Variants in LIFR observed in about 807,000 individuals in gnomAD.
LIFR encodes leukemia inhibitory factor receptor.
LIFR carries 84 observed loss-of-function variants against 122.2 expected under a neutral mutation model. The observed-to-expected ratio is 0.69, with a 90% confidence interval of 0.58 to 0.82. The LOEUF (loss-of-function observed/expected upper bound fraction) is 0.82. Among genes scored for constraint, LIFR ranks in the 40% least tolerant of loss-of-function variants. The pLI is 0.00. For synonymous variants in LIFR, 422 were observed against 434.7 expected (o/e 0.97, Z 0.36); for missense variants, 1,294 against 1,311.6 (o/e 0.99, Z 0.21).
In LIFR at chr5:38,478,031, G is replaced by A; in HGVS notation, c.*3564C>T. ...ATTTTAAAAATATTGACACGTTAAG[G>A]AGTATTTTACTTTCAAAATACCATA... On this transcript the variant is annotated 3_prime_UTR_variant, in exon 20 of 20. Coordinates refer to ENST00000453190, the MANE Select transcript of LIFR (RefSeq NM_001127671.2). 1 of 209,900 alleles carries A rather than the reference G, an allele frequency of 4.8e-6. No individual in the cohort carries two copies. The allele number at this position is 209,900 out of a possible 1,614,324, so 13.0% of individuals were successfully genotyped here.
intron 6 of LIFR, among the ~76,000 whole-genome samples, 194 bp downstream of exon 6, chr5:38,511,596 T>G (rs1236544498): frequency 9.9e-5 from 15 of 152,170 alleles, no homozygotes; most frequent in Non-Finnish European, 1.9e-4. Flanking sequence ...GAAAGTTCTT[T>G]CAAAATACAG....
chr5:38,506,316 A>G (rs915321877), intron 8 of LIFR, among the ~76,000 whole-genome samples, 187 bp downstream of exon 8: 4 of 152,152 alleles, frequency 2.6e-5, no homozygotes, highest in African/African-American at 9.7e-5. Flanking sequence ...AGCTTCTTAA[A>G]AGAGGAGACA....
intron 2 of LIFR, among the ~76,000 whole-genome samples, 154 bp from the exon 3 acceptor site, chr5:38,528,994 T>C (rs770507175): frequency 3.3e-5 from 5 of 151,820 alleles, no homozygotes; most frequent in South Asian, 4.2e-4. Flanking sequence ...TTTTTTTTTT[T>C]CAAAGAGATG....
At chr5:38,576,348 T>C (rs1486524304) in intron 1 of LIFR, among the ~76,000 whole-genome samples, 1 of 152,194 alleles carries the variant, frequency 6.6e-6, no homozygotes, top group African/African-American at 2.4e-5. Flanking sequence ...TTCCTTTTGC[T>C]TAAAACCTGA....
At chr5:38,513,958 T>C (rs1376281529) in intron 5 of LIFR, among the ~76,000 whole-genome samples, 1 of 151,604 alleles carries the variant, frequency 6.6e-6, no homozygotes, top group African/African-American at 2.4e-5. Context: ...AGAAAAAAAC[T>C]TTAAATCATT....
At chr5:38,490,774 A>C (rs1415585722) in intron 14 of LIFR, 2 of 152,234 alleles carry the variant, frequency 1.3e-5, no homozygotes, top group Non-Finnish European at 2.9e-5. Context: ...TAATTTTTGT[A>C]TTTTTAGTAG....
At chr5:38,588,331 C>G (rs1263288514) in intron 1 of LIFR, among the ~76,000 whole-genome samples, 2 of 152,002 alleles carry the variant, frequency 1.3e-5, no homozygotes, top group Admixed American at 6.6e-5. Flanking sequence ...GGTGCTCAGT[C>G]TGAAAAGGAA....
At chr5:38,573,472 T>C (rs1451473698) in intron 1 of LIFR, among the ~76,000 whole-genome samples, 1 of 152,222 alleles carries the variant, frequency 6.6e-6, no homozygotes, top group Non-Finnish European at 1.5e-5. Context: ...ATAGTAAGCA[T>C]TCAACAAATA....
At chr5:38,523,292 AC>A in intron 5 of LIFR, 126 bp downstream of exon 5, 2 of 716,066 alleles carry the variant, frequency 2.8e-6, no homozygotes, top group South Asian at 3.9e-5. Flanking sequence ...TTTTTAATGA[AC>A]CCTGAAAGGT....
At chr5:38,501,898 A>T (rs1745200069) in intron 11 of LIFR, among the ~76,000 whole-genome samples, 1 of 151,966 alleles carries the variant, frequency 6.6e-6, no homozygotes, top group Non-Finnish European at 1.5e-5. Context: ...TATACTACAG[A>T]AACTGAAGTT....
At chr5:38,537,416 C>T (rs190633768) in intron 1 of LIFR, among the ~76,000 whole-genome samples, 1 of 152,314 alleles carries the variant, frequency 6.6e-6, no homozygotes, top group African/African-American at 2.4e-5. Flanking sequence ...TCTGACTACT[C>T]ATATCCCACT....
chr5:38,599,131 G>A (rs575401237), upstream of LIFR, among the ~76,000 whole-genome samples: 30 of 152,262 alleles, frequency 2.0e-4, no homozygotes, highest in Non-Finnish European at 8.8e-5. Context: ...GCATAACTTA[G>A]AAATGAGTCA....
intron 9 of LIFR, among the ~76,000 whole-genome samples, chr5:38,504,740 G>C (rs914599821): frequency 3.3e-5 from 5 of 152,174 alleles, no homozygotes; most frequent in Admixed American, 3.3e-4. Context: ...AAATGGCAGA[G>C]GGCAGACAAA....
Position 38,476,961 on chromosome 5 carries a change from G to A in LIFR, c.*4634C>T. 4.5e-6 allele frequency: 1 copy of A among 220,636 alleles called. No homozygotes were observed. The highest frequency in any genetic ancestry group is 6.7e-5 in the East Asian group (1 of 14,952). The allele number at this position is 220,636 out of a possible 1,614,324, so 13.7% of individuals were successfully genotyped here. On this transcript the variant is annotated 3_prime_UTR_variant, in exon 20 of 20. Coordinates refer to ENST00000453190, the MANE Select transcript of LIFR (RefSeq NM_001127671.2). ...TCATAGCTAAAAATAATAGAATCCT[G>A]TCATAACCCAATATCATAATTACAA...
intron 5 of LIFR, among the ~76,000 whole-genome samples, chr5:38,519,702 G>A (rs1746299225): frequency 3.3e-5 from 5 of 152,060 alleles, no homozygotes; most frequent in Admixed American, 3.3e-4. Flanking sequence ...TAGTCTCCAT[G>A]AGTGAGTGAG....
intron 13 of LIFR, among the ~76,000 whole-genome samples, chr5:38,494,926 T>C (rs543382456): frequency 5.1e-4 from 78 of 152,190 alleles, no homozygotes; most frequent in African/African-American, 1.9e-3. Flanking sequence ...TATTTAAGGG[T>C]TCAGTAAAAA....
upstream of LIFR, among the ~76,000 whole-genome samples, chr5:38,598,741 G>T (rs1750169937): frequency 6.6e-6 from 1 of 152,000 alleles, no homozygotes; most frequent in Admixed American, 6.6e-5. Context: ...CCCCTTTTCT[G>T]CACTTCCCCT....
intron 1 of LIFR, among the ~76,000 whole-genome samples, chr5:38,574,275 T>C (rs1749312276): frequency 6.6e-6 from 1 of 152,160 alleles, no homozygotes; most frequent in South Asian, 2.1e-4. Flanking sequence ...CTTCCCTCTA[T>C]AGACTTCCCT....
At chr5:38,583,045 G>T (rs77576690) in intron 1 of LIFR, among the ~76,000 whole-genome samples, 4 of 152,200 alleles carry the variant, frequency 2.6e-5, no homozygotes, top group Admixed American at 1.3e-4. Flanking sequence ...AATAAGAGTC[G>T]TTTGAGAACA....
Sources: gnomAD v4.1 joint callset for allele counts (sites outside exome capture counted in the v4.1 genomes callset) on GRCh38, gnomAD v4.1.1 for gene constraint, MANE v1.5 for transcripts, NCBI Gene and HGNC (gene_info 2026-07-23, HGNC 2026-07-21) for gene names.